Variants in COL4A4 observed in about 807,000 individuals in gnomAD.
COL4A4 encodes the protein collagen alpha-4(IV) chain.
In COL4A4, 105 loss-of-function variants were observed where a neutral mutation model predicts 192.9. That is an observed-to-expected ratio of 0.54 (90% CI 0.46 to 0.64). COL4A4 has a LOEUF of 0.64. COL4A4 is among the 30% of genes least tolerant of loss of function. COL4A4 has a pLI of 0.00. For missense variants in COL4A4, 1,967 were observed against 2,169.3 expected (o/e 0.91, Z 1.85); for synonymous variants, 762 against 769.9 (o/e 0.99, Z 0.17).
chr2:227,115,531 C>CA (rs2061447645), intron 7 of COL4A4, among the ~76,000 whole-genome samples: 1 of 152,144 alleles, frequency 6.6e-6, no homozygotes, highest in South Asian at 2.1e-4. Flanking sequence ...CTCGGCCTCC[C>CA]AAAGTGCTGG....
Position 227,002,716 on chromosome 2 carries a change from T to G in COL4A4, c.*4609A>C, listed in dbSNP as rs1961283690. On this transcript the variant is annotated 3_prime_UTR_variant, in exon 48 of 48. Coordinates refer to ENST00000396625, the MANE Select transcript of COL4A4 (RefSeq NM_000092.5). ...ATGCACCAGATAAAACACAGTTGTT[T>G]TTGGAAGTCATCACAGAATTTTATA... is the stretch of plus-strand genomic sequence containing the variant. The G allele has an allele frequency of 6.5e-6, 1 of 152,672 alleles. No individual in the cohort carries two copies. The highest frequency in any genetic ancestry group is 1.5e-5 in the Non-Finnish European group (1 of 68,056). 9.5% of individuals were successfully genotyped at this position (152,672 alleles called of 1,614,324 possible).
intron 22 of COL4A4, among the ~76,000 whole-genome samples, chr2:227,085,157 CA>C (rs72399577): frequency 0.49 from 74,103 of 150,224 alleles, 18,463 homozygotes; most frequent in South Asian, 0.63. Context: ...CAAAACGAAA[CA>C]AAAAAAACAC....
intron 22 of COL4A4, among the ~76,000 whole-genome samples, chr2:227,083,940 A>G (rs984861281): frequency 1.3e-5 from 2 of 152,302 alleles, no homozygotes; most frequent in Admixed American, 6.5e-5. Flanking sequence ...ACAGACATAA[A>G]AACTCAAATG....
At chr2:227,112,406 T>A (rs2061265242) in intron 8 of COL4A4, among the ~76,000 whole-genome samples, 1 of 152,188 alleles carries the variant, frequency 6.6e-6, no homozygotes, top group African/African-American at 2.4e-5. Flanking sequence ...ATAGCTGGGA[T>A]TACAGGCATG....
chr2:227,041,852 A>AAGAGAGAGAGAGAGAG (rs1412480175), intron 37 of COL4A4, among the ~76,000 whole-genome samples: 2 of 71,366 alleles, frequency 2.8e-5, no homozygotes, highest in African/African-American at 6.9e-5. Flanking sequence ...AAGAAAGAGA[A>AAGAGAGAGAGAGAGAG]AGAAAGAAAG....
chr2:227,071,186 CAAGATAAAGGGGTAGGA>C (rs2058701022), intron 25 of COL4A4, among the ~76,000 whole-genome samples: 1 of 152,000 alleles, frequency 6.6e-6, no homozygotes, highest in African/African-American at 2.4e-5. Context: ...CATATAAACT[CAAGATAAAGGGGTAGGA>C]AAATGTATTC....
At chr2:227,148,840 CT>C (rs567170955) in intron 1 of COL4A4, among the ~76,000 whole-genome samples, 513 of 139,278 alleles carry the variant, frequency 3.7e-3, no homozygotes, top group Middle Eastern at 0.011. Context: ...ATGTTACCAA[CT>C]TTTTTTTTTT....
intron 37 of COL4A4, among the ~76,000 whole-genome samples, chr2:227,041,780 AAGGAAGGGAAAGAAAGAAAGAAAGG>A (rs1559476123): frequency 1.2e-4 from 7 of 56,896 alleles, no homozygotes; most frequent in South Asian, 7.9e-4. Context: ...GGAAGGAAGG[AAGGAAGGGAAAGAAAGAAAGAAAGG>A]AAGAAAGAAA....
chr2:227,143,000 TCACACA>T (rs371177118), intron 3 of COL4A4, among the ~76,000 whole-genome samples: 2 of 143,944 alleles, frequency 1.4e-5, no homozygotes, highest in South Asian at 2.1e-4. Context: ...ATGACCTCAT[TCACACA>T]CACACACACA....
rs1345086570 is a variant in COL4A4 at position 227,007,497 on chromosome 2, C to T, written c.4901G>A (p.Cys1634Tyr). Residue 1634 changes from cysteine (C) to tyrosine (Y), a missense_variant, in exon 48 of 48, where the codon TGC becomes TAC. Coordinates refer to ENST00000396625, the MANE Select transcript of COL4A4 (RefSeq NM_000092.5). ...GTGGCAAGTTCCCTGCCGGCCCTGG[C>T]ATTCAAGGAATGGTGCTGCTCTGAA... The part of the protein sequence containing the change: ...EDFRAAPFLE[C>Y]QGRQGTCHFF... 6.2e-7 allele frequency: 1 copy of T among 1,614,112 alleles called. No individual in the cohort carries two copies.
intron 26 of COL4A4, 36 bp downstream of exon 26, chr2:227,062,494 G>C (rs766990435): frequency 7.8e-7 from 1 of 1,275,608 alleles, no homozygotes; most frequent in Admixed American, 1.7e-5. Flanking sequence ...TTTACTCTGG[G>C]AAGTATATAA....
At chr2:227,072,437 A>G (rs1397309839) in intron 25 of COL4A4, among the ~76,000 whole-genome samples, 1 of 152,020 alleles carries the variant, frequency 6.6e-6, no homozygotes, top group Non-Finnish European at 1.5e-5. Flanking sequence ...CAAACCCAGA[A>G]TCAGATGGAT....
intron 4 of COL4A4, among the ~76,000 whole-genome samples, chr2:227,127,549 A>G (rs1417759761): frequency 6.6e-6 from 1 of 152,210 alleles, no homozygotes; most frequent in African/African-American, 2.4e-5. Context: ...GGCTAAGATA[A>G]AATTACTTTT....
the COL4A4 span, among the ~76,000 whole-genome samples, chr2:226,973,274 T>A: frequency 5.3e-4 from 80 of 152,308 alleles, no homozygotes; most frequent in Non-Finnish European, 8.8e-4. Context: ...AGAGAAAGAA[T>A]GAGATTTGCC....
At chr2:227,048,598 A>C (rs10198214) in intron 34 of COL4A4, among the ~76,000 whole-genome samples, 78,840 of 151,946 alleles carry the variant, frequency 0.52, 20,655 homozygotes, top group South Asian at 0.63. Flanking sequence ...CCATGGATTG[A>C]CTAAGGGCTA....
chr2:227,141,033 G>A (rs1346373648), intron 3 of COL4A4, among the ~76,000 whole-genome samples: 1 of 152,096 alleles, frequency 6.6e-6, no homozygotes, highest in African/African-American at 2.4e-5. Flanking sequence ...TCCATAGGCA[G>A]ATCCCTTAAC....
At chr2:227,158,434 G>C (rs1250248431) in intron 1 of COL4A4, among the ~76,000 whole-genome samples, 1 of 151,782 alleles carries the variant, frequency 6.6e-6, no homozygotes, top group Non-Finnish European at 1.5e-5. Flanking sequence ...AGAGTTCTCA[G>C]GTAACAAGAA....
intron 8 of COL4A4, among the ~76,000 whole-genome samples, chr2:227,112,014 C>G (rs1228185124): frequency 6.7e-6 from 1 of 150,066 alleles, no homozygotes; most frequent in Non-Finnish European, 1.5e-5. Flanking sequence ...CGTTTCCTCA[C>G]AGTTTACCTG....
chr2:226,972,700 C>T, the COL4A4 span, among the ~76,000 whole-genome samples: 1 of 152,150 alleles, frequency 6.6e-6, no homozygotes, highest in Non-Finnish European at 1.5e-5. Flanking sequence ...ATGATAGTGA[C>T]ACAACAGTGA....
Sources: gnomAD v4.1 joint callset for allele counts (sites outside exome capture counted in the v4.1 genomes callset) on GRCh38, gnomAD v4.1.1 for gene constraint, MANE v1.5 for transcripts, NCBI Gene and HGNC (gene_info 2026-07-23, HGNC 2026-07-21) for gene names.